The following SMC2 variants were observed in gnomAD, a reference collection of about 807,000 sequenced individuals.
SMC2 encodes structural maintenance of chromosomes protein 2.
In SMC2, 41 loss-of-function variants were observed where a neutral mutation model predicts 142.6. The observed-to-expected ratio is 0.29, with a 90% confidence interval of 0.22 to 0.37. SMC2 has a LOEUF of 0.37. Ranked by LOEUF, SMC2 falls within the 10% of genes least tolerant of loss-of-function variation. The pLI is 1.00. For missense variants in SMC2, 1,265 were observed against 1,373.7 expected (o/e 0.92, Z 1.25); for synonymous variants, 463 against 457.5 (o/e 1.01, Z -0.15).
intron 14 of SMC2, among the ~76,000 whole-genome samples, chr9:104,116,656 G>GTTTC (rs1833154479): frequency 6.6e-6 from 1 of 152,096 alleles, no homozygotes; most frequent in African/African-American, 2.4e-5. Context: ...TTTTGTTTTT[G>GTTTC]TTTCTTTTTA....
chr9:104,130,379 T>C (rs1427496295), intron 21 of SMC2, among the ~76,000 whole-genome samples: 2 of 152,072 alleles, frequency 1.3e-5, no homozygotes, highest in East Asian at 3.9e-4. Context: ...GACCTATCAC[T>C]AGAAAAACCC....
At chr9:104,109,712 A>C (rs1832213059) in intron 9 of SMC2, among the ~76,000 whole-genome samples, 1 of 152,162 alleles carries the variant, frequency 6.6e-6, no homozygotes, top group Non-Finnish European at 1.5e-5. Flanking sequence ...AATTTGAAAA[A>C]ATTTGCAGAC....
intron 22 of SMC2, among the ~76,000 whole-genome samples, chr9:104,134,026 A>G (rs73665505): frequency 0.02 from 3,016 of 152,136 alleles, 112 homozygotes; most frequent in African/African-American, 0.069. Context: ...ATGTGATACA[A>G]TTGTGTGTAT....
At position 104,114,840 on chromosome 9, in the gene SMC2, T is replaced by TTTAA. The variant is rs776143625; in HGVS notation, c.1671+14_1671+17dup. Reference sequence around the variant, plus strand: ...GTAGTAGACACAGAAGTAAGTTGATTTTAATTTTAAAAAATTTAAAATTTG... The same window carrying TTTAA: ...GTAGTAGACACAGAAGTAAGTTGATTTTAATTAATTTTAAAAAATTTAAAATTTG... On this transcript the variant is annotated intron_variant, in intron 13 of 24. Coordinates refer to ENST00000374793, the MANE Select transcript of SMC2 (RefSeq NM_006444.3). 6.3e-7 allele frequency: 1 copy of TTTAA among 1,583,900 alleles called. No individual in the cohort carries two copies. The highest frequency in any genetic ancestry group is 8.5e-7 in the Non-Finnish European group (1 of 1,169,812).
At chr9:104,126,577 G>A (rs756404575) in intron 18 of SMC2, 64 bp from the exon 19 acceptor site, 42 of 1,219,170 alleles carry the variant, frequency 3.4e-5, no homozygotes, top group Non-Finnish European at 4.5e-5. Context: ...TAATTGTTCT[G>A]TACATATTTG....
intron 22 of SMC2, among the ~76,000 whole-genome samples, chr9:104,133,444 T>C (rs141010406): frequency 5.9e-4 from 90 of 152,304 alleles, no homozygotes; most frequent in African/African-American, 2.1e-3. Context: ...GGATCACTGC[T>C]TGTGTCTATG....
At position 104,101,320 on chromosome 9, in the gene SMC2, C is replaced by T. The variant is rs569307511; in HGVS notation, c.637-640C>T. On this transcript the variant is annotated intron_variant, in intron 7 of 24. Coordinates refer to ENST00000374793, the MANE Select transcript of SMC2 (RefSeq NM_006444.3). ...TACTACTCAGAGCTGTCTTGTGAAT[C>T]CATATAGTAGTATAAATTTTACTGG... Among the ~76,000 whole-genome samples the T allele has an allele frequency of 7.2e-5, 11 of 152,148 alleles. No homozygotes were observed. In the South Asian group the frequency reaches 2.1e-3, roughly 29 times the overall value.
At chr9:104,139,014 G>A (rs1321523808) in intron 24 of SMC2, 125 bp from the exon 25 acceptor site, 10 of 520,208 alleles carry the variant, frequency 1.9e-5, no homozygotes, top group Admixed American at 4.4e-5. Context: ...CATTCATTTA[G>A]GTGCCTCATA....
chr9:104,113,616 A>G, intron 11 of SMC2, 141 bp downstream of exon 11: 1 of 628,196 alleles, frequency 1.6e-6, no homozygotes, highest in Non-Finnish European at 2.5e-6. Flanking sequence ...TGTTGTAAAT[A>G]TCGTCAAAAA....
the SMC2 span, among the ~76,000 whole-genome samples, chr9:104,089,139 A>G: frequency 6.6e-6 from 1 of 152,154 alleles, no homozygotes; most frequent in Admixed American, 6.5e-5. Flanking sequence ...TAGAGGGAAG[A>G]GGTACCATTT....
upstream of SMC2, among the ~76,000 whole-genome samples, chr9:104,090,514 G>GA (rs553852584): frequency 6.5e-4 from 96 of 146,702 alleles, no homozygotes; most frequent in South Asian, 5.8e-3. Flanking sequence ...GATAGGGTGG[G>GA]AAAAAAAAAA....
At chr9:104,137,924 C>T in intron 23 of SMC2, 94 bp from the exon 24 acceptor site, 1 of 787,640 alleles carries the variant, frequency 1.3e-6, no homozygotes, top group Non-Finnish European at 1.8e-6. Context: ...GATAAATCTG[C>T]TCTATTCACA....
At chr9:104,099,565 C>A in intron 4 of SMC2, 79 bp from the exon 5 acceptor site, 1 of 881,938 alleles carries the variant, frequency 1.1e-6, no homozygotes, top group South Asian at 1.4e-5. Context: ...CAGCTTCAGT[C>A]TAGATAAACA....
At chr9:104,122,707 GA>G (rs1468461587) in intron 16 of SMC2, among the ~76,000 whole-genome samples, 1 of 152,114 alleles carries the variant, frequency 6.6e-6, no homozygotes, top group East Asian at 1.9e-4. Flanking sequence ...TTTAACATTT[GA>G]AAATGAGGTT....
chr9:104,123,063 C>T (rs759217404), intron 16 of SMC2, 45 bp from the exon 17 acceptor site: 6 of 1,572,840 alleles, frequency 3.8e-6, no homozygotes, highest in Non-Finnish European at 5.2e-6. Context: ...TTCTCAAATA[C>T]CAGAAAAATG....
chr9:104,130,281 A>G (rs1005648753), intron 21 of SMC2, among the ~76,000 whole-genome samples: 5 of 152,134 alleles, frequency 3.3e-5, no homozygotes, highest in South Asian at 2.1e-4. Context: ...AATGCTCTCA[A>G]TTACTCAATA....
intron 2 of SMC2, 35 bp downstream of exon 2, chr9:104,095,587 A>G: frequency 1.3e-6 from 2 of 1,538,964 alleles, no homozygotes; most frequent in Non-Finnish European, 1.8e-6. Context: ...TTTGAATTTA[A>G]GTTGGCAGGA....
At chr9:104,127,572 T>G in intron 20 of SMC2, 92 bp downstream of exon 20, 4 of 907,890 alleles carry the variant, frequency 4.4e-6, no homozygotes, top group Non-Finnish European at 6.1e-6. Context: ...GAGAACTCTA[T>G]AAATATAAAT....
chr9:104,099,258 A>G lies in SMC2; in HGVS notation c.442-386A>G, dbSNP rs568334850. ...CTAGAAGTATGTCATCTGTTTTGTG[A>G]AATTATCCTGGAGGGTTATCATTCA... is the stretch of plus-strand genomic sequence containing the variant. On this transcript the variant is annotated intron_variant, in intron 4 of 24. Transcript: ENST00000374793. Among the ~76,000 whole-genome samples, 9 of 152,182 alleles carry G rather than the reference A, an allele frequency of 5.9e-5. No individual in the cohort carries two copies. The South Asian group carries it at 1.9e-3, about 32-fold the overall frequency.
Sources: gnomAD v4.1 joint callset for allele counts (sites outside exome capture counted in the v4.1 genomes callset) on GRCh38, gnomAD v4.1.1 for gene constraint, MANE v1.5 for transcripts, NCBI Gene and HGNC (gene_info 2026-07-23, HGNC 2026-07-21) for gene names.